The following TRPM6 variants were observed in gnomAD, a reference collection of about 807,000 sequenced individuals.
TRPM6 encodes channel kinase 2.
In TRPM6, 111 loss-of-function variants were observed where a neutral mutation model predicts 247.6. The observed-to-expected ratio is 0.45, with a 90% confidence interval of 0.38 to 0.52. The LOEUF is 0.52. TRPM6 is among the 20% of genes least tolerant of loss of function. The probability of loss-of-function intolerance (pLI) is 0.00; values close to 1 mark genes in which losing one functional copy is unlikely to be tolerated. For synonymous variants in TRPM6, 892 were observed against 853.8 expected, an observed-to-expected ratio of 1.04 and a Z score of -0.78; for missense variants, 2,126 against 2,421.5, an observed-to-expected ratio of 0.88 and a Z score of 2.56.
rs928944290 is a variant in TRPM6, at chr9:74,762,229, T to C, written c.4442A>G (p.Asp1481Gly). The change falls in exon 26 of 39, where the codon GAC becomes GGC. Residue 1481 changes from aspartate (D) to glycine (G), a missense_variant. Around this residue, in one of 3 missense-constraint regions of TRPM6, gnomAD observed 717 missense variants for 715.9 expected, o/e 1.00. Transcript: ENST00000360774. Reference sequence around the variant, plus strand: ...CTGTTCACTCCGAGAGGAATCACTGTCACAAGTGGAGGGCAAGCAGGTTTG... The same window carrying C: ...CTGTTCACTCCGAGAGGAATCACTGCCACAAGTGGAGGGCAAGCAGGTTTG... ...KWQTCLPSTC[D>G]SDSSRSEQHQ... 3 of 1,614,222 alleles carry C rather than the reference T, an allele frequency of 1.9e-6. No homozygotes were observed. The highest frequency in any genetic ancestry group is 2.5e-6 in the Non-Finnish European group (3 of 1,180,036).
At chr9:74,811,171 C>T (rs978867496) in intron 12 of TRPM6, among the ~76,000 whole-genome samples, 1 of 152,158 alleles carries the variant, frequency 6.6e-6, no homozygotes, top group African/African-American at 2.4e-5. Context: ...CAAATCCTAT[C>T]ACACGAGCAC....
intron 3 of TRPM6, among the ~76,000 whole-genome samples, chr9:74,847,234 T>G (rs1333783015): frequency 6.6e-6 from 1 of 152,158 alleles, no homozygotes; most frequent in Non-Finnish European, 1.5e-5. Flanking sequence ...AAGGTCTTAC[T>G]CTGTCACCCA....
intron 7 of TRPM6, among the ~76,000 whole-genome samples, chr9:74,823,353 C>A (rs1221117834): frequency 6.6e-6 from 1 of 152,190 alleles, no homozygotes; most frequent in Non-Finnish European, 1.5e-5. Flanking sequence ...GTCTGGCCTT[C>A]CAGCTATATG....
intron 23 of TRPM6, among the ~76,000 whole-genome samples, chr9:74,776,859 A>C (rs1200431777): frequency 6.6e-6 from 1 of 152,236 alleles, no homozygotes; most frequent in Non-Finnish European, 1.5e-5. Context: ...TTTTAAAACA[A>C]TTCTTCTTCT....
chr9:74,734,959 T>A (rs1825644358), intron 36 of TRPM6, among the ~76,000 whole-genome samples: 1 of 152,154 alleles, frequency 6.6e-6, no homozygotes, highest in African/African-American at 2.4e-5. Flanking sequence ...ACACCTATAA[T>A]CCCAGCACTT....
rs1828255682 is a variant in TRPM6 at position 74,800,000 on chromosome 9, T to TC, written c.2238+253dup. ...AGGTGTCCCCTTCCTCCCTCACCAC[T>TC]CCATGTGCATCCCTCCCAAAGCTGC... On this transcript the variant is annotated intron_variant, in intron 17 of 38. Transcript: ENST00000360774. 2.7e-5 allele frequency: 14 copies of TC among 509,860 alleles called. No individual in the cohort carries two copies. In the South Asian group the frequency reaches 2.9e-4, roughly 11 times the overall value. The allele number at this position is 509,860 out of a possible 1,614,324, so 31.6% of individuals were successfully genotyped here.
At chr9:74,770,960 C>T (rs1305107141) in intron 25 of TRPM6, among the ~76,000 whole-genome samples, 1 of 152,190 alleles carries the variant, frequency 6.6e-6, no homozygotes, top group Non-Finnish European at 1.5e-5. Flanking sequence ...CTGTCTTCAC[C>T]CACTTCAGTG....
chr9:74,828,348 T>C (rs1254256599), intron 6 of TRPM6, among the ~76,000 whole-genome samples: 1 of 151,588 alleles, frequency 6.6e-6, no homozygotes, highest in Non-Finnish European at 1.5e-5. Flanking sequence ...CGAGACTCCG[T>C]CTCAAAAAGA....
At chr9:74,753,142 A>G (rs1587470047) in intron 28 of TRPM6, among the ~76,000 whole-genome samples, 1 of 150,864 alleles carries the variant, frequency 6.6e-6, no homozygotes, top group African/African-American at 2.4e-5. Flanking sequence ...AAGGAATGCC[A>G]TCAAATAAAT....
At chr9:74,794,564 A>G (rs1828022443) in intron 18 of TRPM6, among the ~76,000 whole-genome samples, 1 of 152,204 alleles carries the variant, frequency 6.6e-6, no homozygotes, top group Non-Finnish European at 1.5e-5. Context: ...TGAGCTTTTA[A>G]TGACATCAAC....
rs1172477967 is a variant in TRPM6, at chr9:74,847,658, GTCATATATAT to G, written c.153-5325_153-5316del. Among the ~76,000 whole-genome samples the G allele has an allele frequency of 5.9e-5, 9 of 151,446 alleles. No individual in the cohort carries two copies. In the East Asian group the frequency reaches 1.8e-3, roughly 29 times the overall value. On this transcript the variant is annotated intron_variant, in intron 3 of 38. Transcript: ENST00000360774. ...ATAGTCATATACAGTCATATATATA[GTCATATATAT>G]AGTCATATATAGTCAAAGTCATATA...
At chr9:74,838,122 A>G (rs1829791853) in intron 5 of TRPM6, among the ~76,000 whole-genome samples, 1 of 152,118 alleles carries the variant, frequency 6.6e-6, no homozygotes, top group African/African-American at 2.4e-5. Context: ...TATTTCAATC[A>G]TCTCCACACT....
chr9:74,858,470 A>T (rs1587589039), intron 2 of TRPM6, among the ~76,000 whole-genome samples, 199 bp downstream of exon 2: 2 of 152,384 alleles, frequency 1.3e-5, no homozygotes, highest in East Asian at 3.9e-4. Flanking sequence ...AGTAAGGTAA[A>T]AATGGACAAG....
chr9:74,761,248 T>C (rs1826617088), intron 27 of TRPM6, among the ~76,000 whole-genome samples: 1 of 152,214 alleles, frequency 6.6e-6, no homozygotes, highest in African/African-American at 2.4e-5. Flanking sequence ...ACTCTGACAT[T>C]CCGTTCCTAA....
chr9:74,886,832 A>G (rs113908621), intron 1 of TRPM6, among the ~76,000 whole-genome samples: 9 of 152,328 alleles, frequency 5.9e-5, no homozygotes, highest in Middle Eastern at 3.4e-3. Context: ...AACTCGCCCA[A>G]AATCACAGGT....
At chr9:74,857,959 A>C (rs1017235870) in intron 2 of TRPM6, among the ~76,000 whole-genome samples, 1 of 152,206 alleles carries the variant, frequency 6.6e-6, no homozygotes, top group Admixed American at 6.5e-5. Context: ...AACCCACTGA[A>C]ATGGATGTAA....
intron 37 of TRPM6, among the ~76,000 whole-genome samples, chr9:74,730,593 C>A (rs575569096): frequency 6.6e-6 from 1 of 152,092 alleles, no homozygotes; most frequent in Non-Finnish European, 1.5e-5. Context: ...TAATTTACAC[C>A]GGATCACCTG....
intron 37 of TRPM6, among the ~76,000 whole-genome samples, chr9:74,729,144 T>A (rs1413490670): frequency 6.6e-6 from 1 of 152,182 alleles, no homozygotes; most frequent in Non-Finnish European, 1.5e-5. Flanking sequence ...ACCAGAAACA[T>A]TTCCCAAGAA....
intron 33 of TRPM6, among the ~76,000 whole-genome samples, chr9:74,741,254 A>G (rs1008506076): frequency 6.6e-6 from 1 of 152,088 alleles, no homozygotes; most frequent in Non-Finnish European, 1.5e-5. Context: ...ACAGAGCAAC[A>G]TAATCTATAT....
Sources: allele counts gnomAD v4.1 joint callset (sites outside exome capture counted in the v4.1 genomes callset), GRCh38; gene constraint gnomAD v4.1.1; regional missense constraint gnomAD v4.1.1; transcripts MANE v1.5; gene names NCBI Gene and HGNC (gene_info 2026-07-23, HGNC 2026-07-21).